Variants in UPRT observed in about 807,000 individuals in gnomAD.
UPRT encodes the protein uracil phosphoribosyltransferase homolog.
In UPRT, 5 loss-of-function variants were observed where a neutral mutation model predicts 22.6. That is an observed-to-expected ratio of 0.22 (90% CI 0.12 to 0.47). The LOEUF (loss-of-function observed/expected upper bound fraction) is 0.47, where lower values mean the gene tolerates loss of function less well. UPRT is among the 20% of genes least tolerant of loss of function. The probability of loss-of-function intolerance (pLI) is 0.99; values close to 1 mark genes in which losing one functional copy is unlikely to be tolerated. For synonymous variants in UPRT, 77 were observed against 87.7 expected (o/e 0.88, Z 0.68); for missense variants, 181 against 239.9 (o/e 0.75, Z 1.62).
chrX:75,297,720 G>A, intron 4 of UPRT, 167 bp downstream of exon 4: 1 of 532,392 alleles, frequency 1.9e-6, no homozygotes, highest in Non-Finnish European at 3.1e-6. Flanking sequence ...GCCTGTGTGA[G>A]GCTAGGTTTG....
chrX:75,286,384 C>T (rs1040933440), intron 1 of UPRT, among the ~76,000 whole-genome samples: 2 of 110,535 alleles, frequency 1.8e-5, no homozygotes, highest in Non-Finnish European at 3.8e-5. Flanking sequence ...ACCTGCCCCT[C>T]GCCCCATATG....
At chrX:75,285,980 T>C (rs1174314264) in intron 1 of UPRT, among the ~76,000 whole-genome samples, 1 of 111,404 alleles carries the variant, frequency 9.0e-6, no homozygotes, top group Admixed American at 9.5e-5. Context: ...CGACAAACTT[T>C]GGGACTATAT....
chrX:75,268,550 C>G (rs1258741748), intron 4 of UPRT, among the ~76,000 whole-genome samples: 2 of 111,521 alleles, frequency 1.8e-5, no homozygotes, highest in African/African-American at 6.5e-5. Context: ...CATCAAAAAG[C>G]TTGTCTGTCA....
rs1371464126 is a variant in UPRT, at chrX:75,300,880, T to C, written c.738T>C (p.Thr246=). The part of the protein sequence containing the change: ...LMYPILSTGN[T]VIEAVKVLIE... ...TTTTGATTTCAGGCACTGGAAATAC[T>C]GTAATTGAAGCTGTAAAGGTTCTTA... Residue 246 remains threonine, a synonymous_variant, in exon 6 of 7, where the codon ACT becomes ACC. Coordinates refer to ENST00000373383, the MANE Select transcript of UPRT (RefSeq NM_145052.4). 3 of 1,202,225 alleles carry C rather than the reference T, an allele frequency of 2.5e-6. No homozygotes were observed. The highest frequency in any genetic ancestry group is 3.4e-6 in the Non-Finnish European group (3 of 891,127).
intron 2 of UPRT, among the ~76,000 whole-genome samples, chrX:75,161,617 A>G (rs1030096563): frequency 1.8e-5 from 2 of 111,988 alleles, no homozygotes; most frequent in African/African-American, 3.2e-5. Flanking sequence ...GGGAGTAGCT[A>G]CTGCTTTACA....
chrX:75,177,104 G>A (rs1210141044), intron 4 of UPRT, among the ~76,000 whole-genome samples: 2 of 111,276 alleles, frequency 1.8e-5, no homozygotes, highest in Admixed American at 9.5e-5. Flanking sequence ...CCAAGAACCT[G>A]CAATGGTCCC....
At chrX:75,226,955 A>G (rs973634411) in intron 4 of UPRT, among the ~76,000 whole-genome samples, 2 of 110,654 alleles carry the variant, frequency 1.8e-5, no homozygotes, top group Non-Finnish European at 1.9e-5. Flanking sequence ...GCATAAAGGC[A>G]CTTCTGGTAT....
At chrX:75,202,090 G>A (rs1285755981) in intron 4 of UPRT, among the ~76,000 whole-genome samples, 1 of 111,979 alleles carries the variant, frequency 8.9e-6, no homozygotes, top group Non-Finnish European at 1.9e-5. Context: ...ATCAATAAGT[G>A]AAGGTAAAAT....
At chrX:75,223,416 T>C (rs756395954) in intron 4 of UPRT, among the ~76,000 whole-genome samples, 2 of 111,238 alleles carry the variant, frequency 1.8e-5, no homozygotes, top group Non-Finnish European at 3.8e-5. Context: ...ACTAGAACTT[T>C]CCTAGACTTG....
intron 4 of UPRT, among the ~76,000 whole-genome samples, chrX:75,175,653 G>A (rs2147606580): frequency 8.9e-6 from 1 of 111,976 alleles, no homozygotes; most frequent in East Asian, 2.8e-4. Context: ...TCGTCCTCTG[G>A]GGCAGTGCAC....
intron 6 of UPRT, among the ~76,000 whole-genome samples, chrX:75,301,661 CATGTTT>C (rs1159395770): frequency 9.0e-6 from 1 of 111,465 alleles, no homozygotes; most frequent in Non-Finnish European, 1.9e-5. Context: ...ACTGTTAAAT[CATGTTT>C]TTGGAAAATA....
chrX:75,297,007 C>A, intron 3 of UPRT, among the ~76,000 whole-genome samples: 1 of 111,336 alleles, frequency 9.0e-6, no homozygotes, highest in East Asian at 2.8e-4. Context: ...CAGGATGAGA[C>A]CAAGAGTTGA....
intron 4 of UPRT, among the ~76,000 whole-genome samples, chrX:75,253,204 TA>T (rs955847973): frequency 8.1e-5 from 9 of 111,099 alleles, no homozygotes; most frequent in Non-Finnish European, 1.5e-4. Context: ...TAATAAAATT[TA>T]AAAAAAGAAT....
chrX:75,251,090 C>G (rs752717268), intron 4 of UPRT, among the ~76,000 whole-genome samples: 1 of 111,339 alleles, frequency 9.0e-6, no homozygotes, highest in Admixed American at 9.6e-5. Context: ...CTATGACAAA[C>G]CCACAGCCAA....
intron 4 of UPRT, among the ~76,000 whole-genome samples, chrX:75,208,608 C>A (rs2082372625): frequency 9.0e-6 from 1 of 111,622 alleles, no homozygotes; most frequent in South Asian, 3.8e-4. Context: ...TTGGCACCAC[C>A]ACCTGGTTTA....
intron 4 of UPRT, among the ~76,000 whole-genome samples, chrX:75,255,212 C>CA (rs1036165767): frequency 5.4e-5 from 6 of 111,273 alleles, no homozygotes; most frequent in South Asian, 3.7e-4. Context: ...CCTCCTCAAA[C>CA]AAAAAAATTA....
intron 1 of UPRT, among the ~76,000 whole-genome samples, chrX:75,289,638 A>G (rs763000657): frequency 2.7e-5 from 3 of 111,266 alleles, no homozygotes; most frequent in Non-Finnish European, 5.7e-5. Context: ...CAGAGTAGAG[A>G]ACCCAGAAAT....
chrX:75,204,891 G>A (rs970758804), intron 4 of UPRT, among the ~76,000 whole-genome samples: 25 of 110,914 alleles, frequency 2.3e-4, no homozygotes, highest in Non-Finnish European at 4.1e-4. Context: ...GCTCTCAGAG[G>A]TTGTGGGTGG....
At position 75,239,638 on chromosome X, in the gene UPRT, A is replaced by T. The variant is rs1287173028; in HGVS notation, c.-446-51386A>T. The stretch of plus-strand genomic sequence containing the variant: ...ACCCTAATACCAAAACCAGGAAAGG[A>T]TATAACAAAAAAAGAATACTACAGA... On this transcript the variant is annotated intron_variant, in intron 4 of 13. Transcript: ENST00000652605. 2.7e-5 allele frequency among the ~76,000 whole-genome samples: 3 copies of T among 111,215 alleles called. No homozygotes were observed. In the East Asian group the frequency reaches 8.5e-4, roughly 31 times the overall value.
Sources: gnomAD v4.1 joint callset for allele counts (sites outside exome capture counted in the v4.1 genomes callset) on GRCh38, gnomAD v4.1.1 for gene constraint, MANE v1.5 for transcripts, NCBI Gene and HGNC (gene_info 2026-07-23, HGNC 2026-07-21) for gene names.